Variants in SHANK2 observed in about 807,000 individuals in gnomAD.
The protein encoded by SHANK2 is SH3 and multiple ankyrin repeat domains 2.
A neutral mutation model predicts 133.7 loss-of-function variants in SHANK2; 43 were observed. That is an observed-to-expected ratio of 0.32 (90% CI 0.25 to 0.41). SHANK2 has a LOEUF of 0.41. Among genes scored for constraint, SHANK2 ranks in the 10% least tolerant of loss-of-function variants. SHANK2 has a pLI of 1.00. For missense variants in SHANK2, 1,994 were observed against 2,235.8 expected (o/e 0.89, Z 2.18); for synonymous variants, 1,017 against 952.8 (o/e 1.07, Z -1.24).
At chr11:70,894,028 G>GA (rs571854132) in intron 11 of SHANK2, among the ~76,000 whole-genome samples, 401 of 152,096 alleles carry the variant, frequency 2.6e-3, no homozygotes, top group Non-Finnish European at 4.4e-3. Context: ...TTATAATAAT[G>GA]AAAAAAACCT....
At chr11:70,945,356 G>T (rs1950708015) in intron 10 of SHANK2, among the ~76,000 whole-genome samples, 1 of 152,168 alleles carries the variant, frequency 6.6e-6, no homozygotes, top group Admixed American at 6.5e-5. Context: ...GGTGAAGGCA[G>T]AAGGCTGGTG....
At chr11:70,904,510 GTTTTTT>G (rs11336653) in intron 10 of SHANK2, among the ~76,000 whole-genome samples, 1 of 136,286 alleles carries the variant, frequency 7.3e-6, no homozygotes, top group African/African-American at 2.8e-5. Context: ...GATCTGATGG[GTTTTTT>G]TTTTTTTTTT....
At chr11:70,586,822 AC>A (rs562066302) in intron 17 of SHANK2, among the ~76,000 whole-genome samples, 1 of 151,966 alleles carries the variant, frequency 6.6e-6, no homozygotes, top group African/African-American at 2.4e-5. Flanking sequence ...CCAGTACCTC[AC>A]CCCCCCAGAG....
At chr11:70,663,903 C>A (rs966333288) in intron 15 of SHANK2, among the ~76,000 whole-genome samples, 9 of 152,308 alleles carry the variant, frequency 5.9e-5, no homozygotes, top group Admixed American at 3.9e-4. Context: ...CTCTAAACCT[C>A]AGTTTCCCTG....
At chr11:70,578,838 T>G (rs948194) in intron 17 of SHANK2, among the ~76,000 whole-genome samples, 105,892 of 152,014 alleles carry the variant, frequency 0.7, 37,076 homozygotes, top group South Asian at 0.78. Context: ...TTCATGATGG[T>G]TTAGATGTCG....
At chr11:70,597,074 T>A (rs1357368055) in intron 17 of SHANK2, among the ~76,000 whole-genome samples, 6 of 152,026 alleles carry the variant, frequency 3.9e-5, no homozygotes, top group African/African-American at 1.2e-4. Flanking sequence ...GCTGAATAAT[T>A]GTGCACCGGT....
intron 10 of SHANK2, among the ~76,000 whole-genome samples, chr11:70,913,759 C>T (rs1440277122): frequency 1.3e-5 from 2 of 152,202 alleles, no homozygotes; most frequent in Non-Finnish European, 2.9e-5. Context: ...AAGGCATCCT[C>T]TCCAGAGACG....
intron 11 of SHANK2, among the ~76,000 whole-genome samples, chr11:70,891,734 G>A (rs2135633471): frequency 6.6e-6 from 1 of 152,148 alleles, no homozygotes; most frequent in East Asian, 1.9e-4. Flanking sequence ...CATCCCCCAG[G>A]GTAGAGGGCC....
At chr11:70,918,945 C>T (rs1448599298) in intron 10 of SHANK2, among the ~76,000 whole-genome samples, 1 of 152,158 alleles carries the variant, frequency 6.6e-6, no homozygotes, top group Non-Finnish European at 1.5e-5. Context: ...GGATGGATCA[C>T]TTGAGCCCAG....
intron 11 of SHANK2, among the ~76,000 whole-genome samples, chr11:70,839,622 C>T (rs908736295): frequency 6.6e-6 from 1 of 152,142 alleles, no homozygotes; most frequent in Non-Finnish European, 1.5e-5. Context: ...TATTTCAATA[C>T]AAGAATCCAA....
chr11:70,863,545 T>C (rs1555068364), intron 11 of SHANK2: 1 of 457,946 alleles, frequency 2.2e-6, no homozygotes, highest in Non-Finnish European at 4.4e-6. Context: ...TCATTTTAAC[T>C]CTGGATCCCA....
rs375806453 is a variant in SHANK2, at chr11:70,927,192, C to A, written c.1108-30625G>T. On this transcript the variant is annotated intron_variant, in intron 10 of 25. Coordinates refer to ENST00000601538, the MANE Select transcript of SHANK2 (RefSeq NM_012309.5). ...ATGCAACACACGGAGACAAAAGATT[C>A]TTTGTAGCTATTTTATAAACAATAA... Among the ~76,000 whole-genome samples, 5 of 152,206 alleles carry A rather than the reference C, an allele frequency of 3.3e-5. No homozygotes were observed. In the South Asian group the frequency reaches 6.2e-4, roughly 19 times the overall value.
chr11:70,874,179 C>T lies in SHANK2; in HGVS notation c.1174+22322G>A, dbSNP rs530769009. Among the ~76,000 whole-genome samples, 70 of 152,184 alleles carry T rather than the reference C, an allele frequency of 4.6e-4. 1 individual carries two copies. The highest frequency in any genetic ancestry group is 4.4e-3 in the South Asian group (21 of 4,802). On this transcript the variant is annotated intron_variant, in intron 11 of 25. Coordinates refer to ENST00000601538, the MANE Select transcript of SHANK2 (RefSeq NM_012309.5). Reference sequence around the variant, plus strand: ...TCTATCTAATCTATCTACCTACCTACCTAATCTGTCCATCCATCCATCCAT... The same window carrying T: ...TCTATCTAATCTATCTACCTACCTATCTAATCTGTCCATCCATCCATCCAT...
chr11:70,641,054 T>G (rs2061172095), intron 17 of SHANK2, among the ~76,000 whole-genome samples: 1 of 143,322 alleles, frequency 7.0e-6, no homozygotes, highest in Admixed American at 6.9e-5. Context: ...TTTAAAATTC[T>G]AAGTATTTTT....
intron 3 of SHANK2, among the ~76,000 whole-genome samples, chr11:71,125,915 T>A (rs1952174604): frequency 6.6e-6 from 1 of 152,060 alleles, no homozygotes; most frequent in African/African-American, 2.4e-5. Flanking sequence ...CCGAGGGCCC[T>A]TAAGAATGAT....
chr11:71,218,957 C>A lies in SHANK2; in HGVS notation c.-13+5740G>T, dbSNP rs1049369053. 3.3e-5 allele frequency among the ~76,000 whole-genome samples: 5 copies of A among 152,164 alleles called. No individual in the cohort carries two copies. In the East Asian group the frequency reaches 9.6e-4, roughly 29 times the overall value. ...TCTGTAGGGCACCCAGAGAGAGTGG[C>A]ATCTGTGCACCCCACAGGTGGTCAG... is the stretch of plus-strand genomic sequence containing the variant. On this transcript the variant is annotated intron_variant, in intron 2 of 25. Coordinates refer to ENST00000601538, the MANE Select transcript of SHANK2 (RefSeq NM_012309.5).
chr11:71,156,475 C>T (rs1427340140), intron 2 of SHANK2, among the ~76,000 whole-genome samples: 1 of 152,168 alleles, frequency 6.6e-6, no homozygotes, highest in African/African-American at 2.4e-5. Flanking sequence ...TCAGCCAAAT[C>T]CTTCCCTTTC....
At chr11:70,648,597 T>C (rs2061299924) in intron 17 of SHANK2, among the ~76,000 whole-genome samples, 1 of 152,116 alleles carries the variant, frequency 6.6e-6, no homozygotes, top group African/African-American at 2.4e-5. Flanking sequence ...GGACCAGGGG[T>C]ACAATTCCCC....
intron 15 of SHANK2, among the ~76,000 whole-genome samples, chr11:70,690,832 A>G (rs976427708): frequency 6.6e-6 from 1 of 151,986 alleles, no homozygotes; most frequent in African/African-American, 2.4e-5. Flanking sequence ...TCAAAATTGG[A>G]GGTGAGGGTC....
Sources: allele counts gnomAD v4.1 joint callset (sites outside exome capture counted in the v4.1 genomes callset), GRCh38; gene constraint gnomAD v4.1.1; transcripts MANE v1.5; gene names NCBI Gene and HGNC (gene_info 2026-07-23, HGNC 2026-07-21).